HMGXB4: variants seen among roughly 807,000 people sequenced by gnomAD.
HMGXB4 encodes the protein HMG domain-containing protein 4.
HMGXB4 carries 27 observed loss-of-function variants against 63.9 expected under a neutral mutation model. That is an observed-to-expected ratio of 0.42 (90% CI 0.31 to 0.58). HMGXB4 has a LOEUF of 0.58. HMGXB4 is among the 20% of genes least tolerant of loss of function. The pLI, the probability that HMGXB4 is intolerant of heterozygous loss-of-function variation, is 0.13. For synonymous variants in HMGXB4, 264 were observed against 265.3 expected, an observed-to-expected ratio of 0.99 and a Z score of 0.05; for missense variants, 624 against 700.7, an observed-to-expected ratio of 0.89 and a Z score of 1.24.
In HMGXB4 at chr22:35,287,337, G is replaced by T; in HGVS notation, c.1363-10G>T. The T allele has an allele frequency of 6.3e-7, 1 of 1,596,138 alleles. No homozygotes were observed. Among genetic ancestry groups the T allele is most frequent in the Non-Finnish European group, 8.6e-7 (1 of 1,164,822 alleles). ...TTAATTTAATTTAATGTTCACTGATGTGATTGCAGATTTGGAAGCAAAAAG... is the reference window on the plus strand; with the variant it reads ...TTAATTTAATTTAATGTTCACTGATTTGATTGCAGATTTGGAAGCAAAAAG... On this transcript the variant is annotated splice_polypyrimidine_tract_variant and intron_variant, in intron 7 of 10. Coordinates refer to ENST00000216106, the MANE Select transcript of HMGXB4 (RefSeq NM_001003681.3).
At chr22:35,262,561 C>A in intron 2 of HMGXB4, 140 bp downstream of exon 2, 1 of 872,732 alleles carries the variant, frequency 1.1e-6, no homozygotes, top group Non-Finnish European at 1.9e-6. Context: ...GACACTCAGC[C>A]TCCACGCCAT....
intron 5 of HMGXB4, among the ~76,000 whole-genome samples, chr22:35,281,697 A>G (rs1924251878): frequency 6.6e-6 from 1 of 152,266 alleles, no homozygotes; most frequent in African/African-American, 2.4e-5. Flanking sequence ...CAGTTGGGAA[A>G]GATTTGGCAG....
At chr22:35,251,034 C>A in the HMGXB4 span, among the ~76,000 whole-genome samples, 1 of 151,764 alleles carries the variant, frequency 6.6e-6, no homozygotes, top group Non-Finnish European at 1.5e-5. Flanking sequence ...ATGGACTGGG[C>A]AAACCAAACC....
Position 35,262,351 on chromosome 22 carries a change from G to A in HMGXB4, c.-40G>A. ...TGGTCCTGTAGACGGGAAGGAGCCT[G>A]GACACAGTGACACATTCTCAAAGGC... On this transcript the variant is annotated 5_prime_UTR_variant, in exon 2 of 11. Transcript: ENST00000216106. 1.2e-6 allele frequency: 2 copies of A among 1,607,102 alleles called. No homozygotes were observed. The highest frequency in any genetic ancestry group is 1.7e-6 in the Non-Finnish European group (2 of 1,173,576).
intron 5 of HMGXB4, among the ~76,000 whole-genome samples, chr22:35,278,691 C>T (rs188106979): frequency 1.9e-4 from 29 of 151,496 alleles, no homozygotes; most frequent in Admixed American, 1.1e-3. Flanking sequence ...CTGTGTCACC[C>T]AGGCTGGAGT....
chr22:35,266,426 A>C (rs374519449), intron 5 of HMGXB4, among the ~76,000 whole-genome samples: 26 of 152,296 alleles, frequency 1.7e-4, no homozygotes, highest in African/African-American at 6.3e-4. Context: ...TGCCAAGCTC[A>C]ATGCTGTAGA....
At chr22:35,254,611 T>G (rs1176567503), upstream of HMGXB4, among the ~76,000 whole-genome samples, 2 of 152,190 alleles carry the variant, frequency 1.3e-5, no homozygotes, top group Non-Finnish European at 2.9e-5. Flanking sequence ...AATGTAGTAT[T>G]CATATCTTAA....
intron 9 of HMGXB4, among the ~76,000 whole-genome samples, chr22:35,289,465 A>AAAAAAC (rs772831974): frequency 6.6e-6 from 1 of 152,150 alleles, no homozygotes; most frequent in Non-Finnish European, 1.5e-5. Context: ...ATCTTTTTTA[A>AAAAAAC]AAAAACAAAA....
At chr22:35,246,401 AG>A in the HMGXB4 span, among the ~76,000 whole-genome samples, 399 of 140,522 alleles carry the variant, frequency 2.8e-3, 4 homozygotes, top group Admixed American at 6.6e-3. Flanking sequence ...CAGCCTCCTG[AG>A]TAGCTGGCAC....
chr22:35,248,665 A>G, the HMGXB4 span, among the ~76,000 whole-genome samples: 1 of 151,964 alleles, frequency 6.6e-6, no homozygotes, highest in East Asian at 1.9e-4. Flanking sequence ...TTGGCCTCCC[A>G]AAGTGCTAGG....
At chr22:35,262,987 T>C in intron 2 of HMGXB4, 91 bp from the exon 3 acceptor site, 1 of 1,183,358 alleles carries the variant, frequency 8.5e-7, no homozygotes, top group Non-Finnish European at 1.2e-6. Context: ...AATTTGGAAA[T>C]AGAGGAACTG....
chr22:35,253,698 G>A (rs1922285626), upstream of HMGXB4, among the ~76,000 whole-genome samples: 1 of 152,160 alleles, frequency 6.6e-6, no homozygotes. Context: ...ATGTAAGCCT[G>A]GGCTACCTGT....
At chr22:35,288,194 C>A in intron 8 of HMGXB4, 44 bp from the exon 9 acceptor site, 1 of 1,390,814 alleles carries the variant, frequency 7.2e-7, no homozygotes, top group Non-Finnish European at 9.5e-7. Flanking sequence ...TTGTTCAAGG[C>A]TGTAGGCAAG....
intron 1 of HMGXB4, 94 bp from the exon 2 acceptor site, chr22:35,262,229 G>A: frequency 1.4e-6 from 1 of 695,686 alleles, no homozygotes; most frequent in South Asian, 1.7e-5. Flanking sequence ...TGCCCTTCCA[G>A]TCAGCCCTTG....
intron 2 of HMGXB4, chr22:35,262,647 T>A (rs1922936028): frequency 1.7e-6 from 1 of 575,010 alleles, no homozygotes; most frequent in African/African-American, 1.9e-5. Context: ...AGTCTCTTAG[T>A]TTATTGGGGT....
Position 35,263,229 on chromosome 22 carries a change from A to G in HMGXB4, c.180+3A>G. 1.3e-6 allele frequency: 2 copies of G among 1,599,842 alleles called. No homozygotes were observed. Among genetic ancestry groups the G allele is most frequent in the Non-Finnish European group, 1.7e-6 (2 of 1,174,996 alleles). ...ATTCTTCCAAGAAGAAGTTGAAGGT[A>G]AGTCCTGAAAATTTAAATTAGGAAA... On this transcript the variant is annotated splice_donor_region_variant and intron_variant, in intron 3 of 10. Coordinates refer to ENST00000216106, the MANE Select transcript of HMGXB4 (RefSeq NM_001003681.3).
intron 5 of HMGXB4, among the ~76,000 whole-genome samples, chr22:35,277,538 G>T (rs1183678902): frequency 6.6e-6 from 1 of 152,062 alleles, no homozygotes; most frequent in East Asian, 1.9e-4. Context: ...TAGAAGAGAT[G>T]GGGTTTCACC....
At chr22:35,279,646 T>C (rs548908128) in intron 5 of HMGXB4, among the ~76,000 whole-genome samples, 48 of 150,902 alleles carry the variant, frequency 3.2e-4, no homozygotes, top group African/African-American at 1.1e-3. Context: ...TGAGTTAATT[T>C]GTGAAGGGGG....
At chr22:35,264,410 T>G (rs1923056902) in intron 4 of HMGXB4, among the ~76,000 whole-genome samples, 1 of 152,176 alleles carries the variant, frequency 6.6e-6, no homozygotes, top group African/African-American at 2.4e-5. Context: ...TTCTGAAGAC[T>G]CAATGAAGAG....
Sources: allele counts gnomAD v4.1 joint callset (sites outside exome capture counted in the v4.1 genomes callset), GRCh38; gene constraint gnomAD v4.1.1; transcripts MANE v1.5; gene names NCBI Gene and HGNC (gene_info 2026-07-23, HGNC 2026-07-21).